Variants in NTN4 observed in about 807,000 individuals in gnomAD.
The protein encoded by NTN4 is netrin 4, also known as netrin-4.
NTN4 carries 32 observed loss-of-function variants against 73.6 expected under a neutral mutation model. The ratio of observed to expected loss-of-function variants is 0.44; its 90% CI spans 0.33 to 0.58. The LOEUF (loss-of-function observed/expected upper bound fraction) is 0.58. Among genes scored for constraint, NTN4 ranks in the 20% least tolerant of loss-of-function variants. The pLI is 0.04. For missense variants in NTN4, 654 were observed against 798.3 expected, an observed-to-expected ratio of 0.82 and a Z score of 2.18; for synonymous variants, 258 against 287.5, an observed-to-expected ratio of 0.90 and a Z score of 1.04.
At chr12:95,690,656 A>G (rs894249655) in intron 5 of NTN4, among the ~76,000 whole-genome samples, 1 of 152,174 alleles carries the variant, frequency 6.6e-6, no homozygotes, top group African/African-American at 2.4e-5. Flanking sequence ...TCAAAATGCT[A>G]TATTCAAAAC....
chr12:95,717,664 GAA>G (rs60647046), intron 3 of NTN4, among the ~76,000 whole-genome samples: 38 of 119,352 alleles, frequency 3.2e-4, no homozygotes, highest in African/African-American at 1.0e-3. Flanking sequence ...GGTCTTCATT[GAA>G]AAAAAAAAAA....
intron 3 of NTN4, among the ~76,000 whole-genome samples, chr12:95,716,304 G>C (rs2078604778): frequency 6.6e-6 from 1 of 152,028 alleles, no homozygotes; most frequent in African/African-American, 2.4e-5. Flanking sequence ...TGTCCTGAAG[G>C]GTACATGGGA....
intron 2 of NTN4, among the ~76,000 whole-genome samples, chr12:95,784,827 G>A (rs993840226): frequency 5.9e-5 from 9 of 152,094 alleles, no homozygotes; most frequent in Non-Finnish European, 1.0e-4. Flanking sequence ...ACTAGGTTTA[G>A]AAGGTATCTG....
intron 3 of NTN4, among the ~76,000 whole-genome samples, chr12:95,737,377 G>A (rs2078786203): frequency 6.6e-6 from 1 of 151,200 alleles, no homozygotes; most frequent in African/African-American, 2.4e-5. Context: ...CTAGAGGAAA[G>A]AGAGTTTAAC....
At chr12:95,705,866 T>C (rs1256857192) in intron 5 of NTN4, among the ~76,000 whole-genome samples, 1 of 152,210 alleles carries the variant, frequency 6.6e-6, no homozygotes, top group Admixed American at 6.5e-5. Flanking sequence ...TCCCAGAAAC[T>C]AGCACACCTA....
At chr12:95,691,986 C>T (rs560862009) in intron 5 of NTN4, among the ~76,000 whole-genome samples, 4 of 152,196 alleles carry the variant, frequency 2.6e-5, no homozygotes, top group South Asian at 4.2e-4. Context: ...ATTTAATTTC[C>T]GGATATTTTC....
intron 7 of NTN4, among the ~76,000 whole-genome samples, chr12:95,681,250 T>G (rs1218739988): frequency 2.0e-5 from 3 of 150,372 alleles, no homozygotes; most frequent in African/African-American, 7.4e-5. Context: ...ATACTCAATA[T>G]ATATATAGGT....
intron 7 of NTN4, among the ~76,000 whole-genome samples, chr12:95,674,460 G>T (rs188607971): frequency 1.3e-5 from 2 of 152,054 alleles, no homozygotes; most frequent in African/African-American, 4.8e-5. Flanking sequence ...TTTCTTAAAA[G>T]AAATCTGGAA....
intron 3 of NTN4, among the ~76,000 whole-genome samples, chr12:95,714,519 A>C (rs1376987559): frequency 6.6e-6 from 1 of 152,064 alleles, no homozygotes; most frequent in Non-Finnish European, 1.5e-5. Context: ...TACACAAAGT[A>C]TTAGAAAACT....
At chr12:95,772,064 G>C (rs1166440297) in intron 2 of NTN4, among the ~76,000 whole-genome samples, 1 of 151,870 alleles carries the variant, frequency 6.6e-6, no homozygotes, top group Non-Finnish European at 1.5e-5. Flanking sequence ...TTTGAGACAG[G>C]GTCTCACTCT....
intron 2 of NTN4, among the ~76,000 whole-genome samples, chr12:95,771,205 G>A (rs1282831610): frequency 6.6e-6 from 1 of 151,974 alleles, no homozygotes; most frequent in Non-Finnish European, 1.5e-5. Flanking sequence ...TAGCCAGGAT[G>A]GTCTCGATCT....
Position 95,789,629 on chromosome 12 carries a change from G to T in NTN4, c.55+626C>A, listed in dbSNP as rs889211942. On this transcript the variant is annotated intron_variant, in intron 1 of 9. Transcript: ENST00000343702. The surrounding 1 kb of genome is among the most constrained non-coding windows in gnomAD (Gnocchi z 4.0). Reference sequence around the variant, plus strand: ...GGAGCAGACCCGCCTCCGACCTCCCGCAGAGTCTCTGCCAGGGTACCAATT... The same window carrying T: ...GGAGCAGACCCGCCTCCGACCTCCCTCAGAGTCTCTGCCAGGGTACCAATT... Among the ~76,000 whole-genome samples, 9 of 152,182 alleles carry T rather than the reference G, an allele frequency of 5.9e-5. No homozygotes were observed. Among genetic ancestry groups the T allele is most frequent in the South Asian group, 2.1e-4 (1 of 4,828 alleles).
At chr12:95,697,370 A>C (rs1026864023) in intron 5 of NTN4, among the ~76,000 whole-genome samples, 1 of 152,092 alleles carries the variant, frequency 6.6e-6, no homozygotes, top group African/African-American at 2.4e-5. Context: ...TCCCCCTTAC[A>C]CCTTTTGAGT....
At chr12:95,784,068 G>A (rs2079150315) in intron 2 of NTN4, among the ~76,000 whole-genome samples, 1 of 152,166 alleles carries the variant, frequency 6.6e-6, no homozygotes, top group Admixed American at 6.5e-5. Context: ...ATATAGAATG[G>A]AGGAAAATAT....
rs758912394 is a variant in NTN4 at position 95,787,029 on chromosome 12, G to A, written c.495C>T (p.Ser165=). ...CATCATCTTCCAGGCCAAATGTAGC[G>A]GAGCAGTTAGTCGCAAAGTACTTAT... is the stretch of plus-strand genomic sequence containing the variant. ...KPYKYFATNC[S]ATFGLEDDVV... The change falls in exon 2 of 10, where the codon TCC becomes TCT. Residue 165 remains serine (S), a synonymous_variant. Transcript: ENST00000343702. 62 of 1,614,016 alleles carry A rather than the reference G, an allele frequency of 3.8e-5. No homozygotes were observed. Among genetic ancestry groups the A allele is most frequent in the Middle Eastern group, 3.3e-4 (2 of 6,084 alleles).
intron 1 of NTN4, among the ~76,000 whole-genome samples, chr12:95,788,651 G>A (rs1010635293): frequency 3.3e-5 from 5 of 152,208 alleles, no homozygotes; most frequent in African/African-American, 1.2e-4. Flanking sequence ...AGCTTAGGCT[G>A]CAACAGAGAC....
chr12:95,735,333 G>GT (rs369065413), intron 3 of NTN4, among the ~76,000 whole-genome samples: 1 of 152,198 alleles, frequency 6.6e-6, no homozygotes, highest in East Asian at 1.9e-4. Context: ...CACTTAGGCT[G>GT]TTTTTTACCC....
At chr12:95,757,098 A>G (rs1229054173) in intron 2 of NTN4, among the ~76,000 whole-genome samples, 1 of 152,154 alleles carries the variant, frequency 6.6e-6, no homozygotes, top group Non-Finnish European at 1.5e-5. Flanking sequence ...TGAGTGAGAC[A>G]TGAGTGCAGG....
intron 7 of NTN4, chr12:95,671,182 A>G (rs2078227217): frequency 1.3e-5 from 2 of 152,126 alleles, no homozygotes; most frequent in African/African-American, 4.8e-5. Context: ...TATTTTTAGT[A>G]GAGACGGAGT....
Sources: allele counts gnomAD v4.1 joint callset (sites outside exome capture counted in the v4.1 genomes callset), GRCh38; gene constraint gnomAD v4.1.1; non-coding constraint Gnocchi (gnomAD v3.1); transcripts MANE v1.5; gene names NCBI Gene and HGNC (gene_info 2026-07-23, HGNC 2026-07-21).